Variants in MAST4 observed in about 807,000 individuals in gnomAD.
MAST4 encodes microtubule associated serine/threonine kinase family member 4.
MAST4 carries 89 observed loss-of-function variants against 162.7 expected under a neutral mutation model. The ratio of observed to expected loss-of-function variants is 0.55; its 90% CI spans 0.46 to 0.65. MAST4 has a LOEUF of 0.65. Among genes scored for constraint, MAST4 ranks in the 30% least tolerant of loss-of-function variants. The pLI is 0.00. For synonymous variants in MAST4, 1,479 were observed against 1,361.1 expected (o/e 1.09, Z -1.91); for missense variants, 3,153 against 3,374.0 (o/e 0.93, Z 1.62).
At chr5:66,665,393 C>A (rs1022079917) in intron 1 of MAST4, among the ~76,000 whole-genome samples, 2 of 152,130 alleles carry the variant, frequency 1.3e-5, no homozygotes, top group African/African-American at 4.8e-5. Flanking sequence ...TTCTTCATGA[C>A]CATCTCCAAA....
At chr5:66,715,687 T>G (rs1200942769) in intron 1 of MAST4, among the ~76,000 whole-genome samples, 2 of 116,376 alleles carry the variant, frequency 1.7e-5, no homozygotes, top group Non-Finnish European at 3.6e-5. Flanking sequence ...AAAATAAAAA[T>G]TAAAAAAAAA....
At chr5:67,083,148 T>G (rs1235958540) in intron 5 of MAST4, among the ~76,000 whole-genome samples, 1 of 152,234 alleles carries the variant, frequency 6.6e-6, no homozygotes, top group African/African-American at 2.4e-5. Flanking sequence ...TTTGATAGAT[T>G]CTTGGCACAT....
In MAST4 at chr5:67,166,177, A is replaced by AC. The variant is rs1561213491; in HGVS notation, c.7002dup (p.Lys2335GlnfsTer42). 1 of 1,555,604 alleles carries AC rather than the reference A, an allele frequency of 6.4e-7. No homozygotes were observed. The highest frequency in any genetic ancestry group is 2.0e-5 in the Admixed American group (1 of 51,244). Reference sequence around the variant, plus strand: ...GAAAAGCAAACCCTGTCTCCAAAGCACCCCAAACCATCCACTGTGAAAGAT... The same window carrying AC: ...GAAAAGCAAACCCTGTCTCCAAAGCACCCCCAAACCATCCACTGTGAAAGAT... On this transcript the variant is annotated frameshift_variant, in exon 29 of 29. Transcript: ENST00000403625. LOFTEE classifies it low-confidence loss of function (END_TRUNC).
At chr5:66,632,841 T>C (rs1484706155) in intron 1 of MAST4, among the ~76,000 whole-genome samples, 1 of 152,214 alleles carries the variant, frequency 6.6e-6, no homozygotes, top group African/African-American at 2.4e-5. Flanking sequence ...AATACACATA[T>C]ACATATTTGT....
chr5:67,048,981 A>G (rs1226574889), intron 4 of MAST4, among the ~76,000 whole-genome samples: 9 of 116,800 alleles, frequency 7.7e-5, no homozygotes, highest in African/African-American at 3.3e-4. Flanking sequence ...ATATATATAT[A>G]TATATGTATA....
intron 4 of MAST4, among the ~76,000 whole-genome samples, chr5:67,011,614 G>A (rs1270786064): frequency 1.3e-5 from 2 of 152,190 alleles, no homozygotes; most frequent in African/African-American, 2.4e-5. Context: ...GGAGAAAACT[G>A]AGCTCCAAGC....
At position 67,165,858 on chromosome 5, in the gene MAST4, C is replaced by G. The variant is rs752232058; in HGVS notation, c.6679C>G (p.Pro2227Ala). 6.2e-7 allele frequency: 1 copy of G among 1,613,264 alleles called. No homozygotes were observed. Among genetic ancestry groups the G allele is most frequent in the South Asian group, 1.1e-5 (1 of 91,078 alleles). ...TGTCGGGGCCACAAAGGGCAAAGAG[C>G]CTGCCACTCAGTCCCTCGGTGGCTC... The part of the protein sequence containing the change: ...PSVGATKGKE[P>A]ATQSLGGSSR... The change falls in exon 29 of 29, where the codon CCT (proline) becomes GCT (alanine). Residue 2227 changes from proline to alanine, a missense_variant. Pro to Ala is a conservative substitution (Grantham distance 27, BLOSUM62 -1). Coordinates refer to ENST00000403625, the MANE Select transcript of MAST4 (RefSeq NM_001164664.2).
At chr5:67,138,176 G>A (rs1329905744) in intron 19 of MAST4, among the ~76,000 whole-genome samples, 3 of 152,128 alleles carry the variant, frequency 2.0e-5, no homozygotes, top group Admixed American at 2.0e-4. Context: ...GGAGCTTTCC[G>A]AAGTGCTACC....
At chr5:67,059,463 C>T (rs951575521) in intron 5 of MAST4, among the ~76,000 whole-genome samples, 1 of 152,118 alleles carries the variant, frequency 6.6e-6, no homozygotes, top group Non-Finnish European at 1.5e-5. Flanking sequence ...ATTCTGCCTA[C>T]CACAGTAACA....
Position 67,166,828 on chromosome 5 carries a change from C to T in MAST4, c.7649C>T (p.Ala2550Val). Residue 2550 changes from alanine to valine, a missense_variant, in exon 29 of 29, where the codon GCT becomes GTT. Around this residue, in one of 7 missense-constraint regions of MAST4, gnomAD observed 1,644 missense variants for 1,495.0 expected, o/e 1.10. Transcript: ENST00000403625. The part of the protein sequence containing the change: ...TMGGASHRDR[A>V]LSVTATVGET... ...GGCGGGGCCAGCCACCGGGACAGGG[C>T]TCTCTCGGTGACTGCCACCGTAGGG... 1.9e-6 allele frequency: 3 copies of T among 1,604,590 alleles called. No individual in the cohort carries two copies. The highest frequency in any genetic ancestry group is 1.7e-4 in the Middle Eastern group (1 of 6,054).
chr5:66,981,959 T>C (rs148319781), intron 4 of MAST4, among the ~76,000 whole-genome samples: 1 of 152,228 alleles, frequency 6.6e-6, no homozygotes, highest in African/African-American at 2.4e-5. Flanking sequence ...TTGAACTTTA[T>C]CCCATGATTT....
At chr5:66,702,869 G>A (rs1749869920) in intron 1 of MAST4, among the ~76,000 whole-genome samples, 1 of 152,132 alleles carries the variant, frequency 6.6e-6, no homozygotes, top group African/African-American at 2.4e-5. Context: ...GTTCTGAGAG[G>A]ATCACTCTGG....
intron 1 of MAST4, among the ~76,000 whole-genome samples, chr5:66,747,442 T>A (rs1752838423): frequency 6.6e-6 from 1 of 152,208 alleles, no homozygotes; most frequent in South Asian, 2.1e-4. Context: ...TTAAACACAT[T>A]CTATTGATGC....
intron 3 of MAST4, among the ~76,000 whole-genome samples, chr5:66,797,232 G>T (rs1016361311): frequency 6.6e-6 from 1 of 152,140 alleles, no homozygotes; most frequent in Admixed American, 6.5e-5. Flanking sequence ...ATTAGATAGC[G>T]GTTTGTTGGG....
At chr5:66,653,780 A>G (rs896097654) in intron 1 of MAST4, among the ~76,000 whole-genome samples, 1 of 152,144 alleles carries the variant, frequency 6.6e-6, no homozygotes, top group Non-Finnish European at 1.5e-5. Context: ...GGCTACAGTC[A>G]TTCATTTGTC....
At chr5:66,728,193 T>A (rs1289723757) in intron 1 of MAST4, among the ~76,000 whole-genome samples, 1 of 152,228 alleles carries the variant, frequency 6.6e-6, no homozygotes, top group African/African-American at 2.4e-5. Flanking sequence ...ACTTTGCTCA[T>A]TTTAATTTGC....
chr5:66,875,661 AT>A (rs148112705), intron 3 of MAST4, among the ~76,000 whole-genome samples: 6,823 of 152,260 alleles, frequency 0.045, 501 homozygotes, highest in African/African-American at 0.16. Context: ...GGTAATCATT[AT>A]TTTTTCCCCT....
chr5:67,041,684 A>T (rs1254638035), intron 4 of MAST4, among the ~76,000 whole-genome samples: 1 of 152,236 alleles, frequency 6.6e-6, no homozygotes, highest in Non-Finnish European at 1.5e-5. Context: ...ACTGGAGTGC[A>T]GTGGTGCGAT....
At chr5:66,736,138 A>G (rs572634351) in intron 1 of MAST4, among the ~76,000 whole-genome samples, 1 of 152,182 alleles carries the variant, frequency 6.6e-6, no homozygotes, top group Non-Finnish European at 1.5e-5. Flanking sequence ...CCTTACTTGC[A>G]TACCATTGAT....
Sources: gnomAD v4.1 joint callset for allele counts (sites outside exome capture counted in the v4.1 genomes callset) on GRCh38, gnomAD v4.1.1 for gene constraint, gnomAD v4.1.1 regional missense constraint, MANE v1.5 for transcripts, NCBI Gene and HGNC (gene_info 2026-07-23, HGNC 2026-07-21) for gene names.